Variants in OSBPL11 observed in about 807,000 individuals in gnomAD.
OSBPL11 encodes the protein oxysterol binding protein like 11, also known as oxysterol-binding protein-related protein 11.
Under a neutral mutation model 84.4 loss-of-function variants are expected in OSBPL11, and 33 were observed. That is an observed-to-expected ratio of 0.39 (90% CI 0.30 to 0.52). The LOEUF (loss-of-function observed/expected upper bound fraction) is 0.52. OSBPL11 is among the 20% of genes least tolerant of loss of function. The probability of loss-of-function intolerance (pLI) is 0.72; values close to 1 mark genes in which losing one functional copy is unlikely to be tolerated. For missense variants in OSBPL11, 736 were observed against 901.1 expected (o/e 0.82, Z 2.35); for synonymous variants, 276 against 310.2 (o/e 0.89, Z 1.16).
At chr3:125,548,804 T>C (rs1239801827) in intron 9 of OSBPL11, among the ~76,000 whole-genome samples, 4 of 152,058 alleles carry the variant, frequency 2.6e-5, no homozygotes, top group South Asian at 2.1e-4. Context: ...TATTTTAATA[T>C]AGTTAATTTT....
chr3:125,540,278 A>G (rs1167195226), intron 10 of OSBPL11, among the ~76,000 whole-genome samples: 2 of 145,402 alleles, frequency 1.4e-5, no homozygotes, highest in African/African-American at 5.2e-5. Flanking sequence ...GCAGTGAGCC[A>G]AGATTGCACT....
Position 125,552,368 on chromosome 3 carries a change from C to G in OSBPL11, c.1467G>C (p.Gly489=). Residue 489 remains glycine, a synonymous_variant, in exon 9 of 13, where the codon GGG becomes GGC. Coordinates refer to ENST00000296220, the MANE Select transcript of OSBPL11 (RefSeq NM_022776.5). The part of the protein sequence containing the change: ...QGVTNHAPLS[G]ESLTQVGSDC... ...CTGATCCCACCTGGGTCAAAGACTC[C>G]CCCGATAAAGGAGCATGATTTGTGA... 2 of 1,614,010 alleles carry G rather than the reference C, an allele frequency of 1.2e-6. No homozygotes were observed. Among genetic ancestry groups the G allele is most frequent in the Non-Finnish European group, 1.7e-6 (2 of 1,179,994 alleles).
Position 125,593,527 on chromosome 3 carries a change from C to T in OSBPL11, c.164+1110G>A, listed in dbSNP as rs570280122. Reference sequence around the variant, plus strand: ...CCCAGCTACTCGGGAGGCTGAGACACGAGAATCGCTTGAACCCAGGAGGTG... The same window carrying T: ...CCCAGCTACTCGGGAGGCTGAGACATGAGAATCGCTTGAACCCAGGAGGTG... On this transcript the variant is annotated intron_variant, in intron 1 of 12. Coordinates refer to ENST00000296220, the MANE Select transcript of OSBPL11 (RefSeq NM_022776.5). Among the ~76,000 whole-genome samples the T allele has an allele frequency of 2.6e-5, 4 of 150,970 alleles. No homozygotes were observed. In the East Asian group the frequency reaches 5.9e-4, roughly 22 times the overall value.
At chr3:125,573,067 T>A (rs1172404145) in intron 5 of OSBPL11, among the ~76,000 whole-genome samples, 1 of 150,850 alleles carries the variant, frequency 6.6e-6, no homozygotes, top group African/African-American at 2.4e-5. Context: ...ACAAAGTATA[T>A]AATTATAGCA....
Position 125,552,175 on chromosome 3 carries a change from A to G in OSBPL11, c.1654+6T>C. 6.6e-7 allele frequency: 1 copy of G among 1,510,530 alleles called. No individual in the cohort carries two copies. Among genetic ancestry groups the G allele is most frequent in the Non-Finnish European group, 8.8e-7 (1 of 1,132,162 alleles). 93.6% of individuals were successfully genotyped at this position (1,510,530 alleles called of 1,614,324 possible). ...TATATATATATAAAATAATTTTTCTACTTACCTTCTCCAACCATTGTCACG... is the reference window on the plus strand; with the variant it reads ...TATATATATATAAAATAATTTTTCTGCTTACCTTCTCCAACCATTGTCACG... On this transcript the variant is annotated splice_donor_region_variant and intron_variant, in intron 9 of 12. Coordinates refer to ENST00000296220, the MANE Select transcript of OSBPL11 (RefSeq NM_022776.5).
At chr3:125,554,702 T>C (rs1935964252) in intron 8 of OSBPL11, among the ~76,000 whole-genome samples, 1 of 151,956 alleles carries the variant, frequency 6.6e-6, no homozygotes, top group African/African-American at 2.4e-5. Flanking sequence ...CATACAAGAA[T>C]GCTTTTTAAA....
intron 1 of OSBPL11, among the ~76,000 whole-genome samples, chr3:125,593,513 G>A (rs1478851296): frequency 6.6e-6 from 1 of 151,630 alleles, no homozygotes; most frequent in South Asian, 2.1e-4. Flanking sequence ...CCAGCTACTC[G>A]GGAGGCTGAG....
rs563656734 is a variant in OSBPL11 at position 125,537,543 on chromosome 3, T to C, written c.2024+908A>G. On this transcript the variant is annotated intron_variant, in intron 11 of 12. Transcript: ENST00000296220. ...CCTGTAAGAATTCTTTAAAAATTCA[T>C]TATTGCTGTTATTTTTTGACCCACT... Among the ~76,000 whole-genome samples the C allele has an allele frequency of 5.3e-5, 8 of 152,336 alleles. No homozygotes were observed. The South Asian group carries it at 1.4e-3, about 28-fold the overall frequency.
At chr3:125,588,373 G>C (rs1253490940) in intron 1 of OSBPL11, among the ~76,000 whole-genome samples, 1 of 152,174 alleles carries the variant, frequency 6.6e-6, no homozygotes, top group Admixed American at 6.6e-5. Flanking sequence ...AGAGGTTGAC[G>C]ATAATGTCAA....
chr3:125,532,036 T>C (rs759892659), intron 11 of OSBPL11, 22 bp from the exon 12 acceptor site: 8 of 1,590,636 alleles, frequency 5.0e-6, no homozygotes, highest in Middle Eastern at 1.7e-4. Context: ...AAACCACACA[T>C]TTTACAAGCA....
At chr3:125,544,199 G>C (rs1417248972) in intron 10 of OSBPL11, among the ~76,000 whole-genome samples, 1 of 151,752 alleles carries the variant, frequency 6.6e-6, no homozygotes, top group Admixed American at 6.6e-5. Context: ...GGGATTACAG[G>C]CATGCACCAC....
intron 8 of OSBPL11, among the ~76,000 whole-genome samples, chr3:125,557,313 A>G (rs1371205522): frequency 6.6e-6 from 1 of 152,202 alleles, no homozygotes; most frequent in African/African-American, 2.4e-5. Context: ...ATATTTGTTA[A>G]TTAAGTGTTA....
Position 125,547,447 on chromosome 3 carries a change from G to A in OSBPL11, c.1800C>T (p.Ile600=). 6.2e-7 allele frequency: 1 copy of A among 1,614,106 alleles called. No individual in the cohort carries two copies. Among genetic ancestry groups the A allele is most frequent in the Non-Finnish European group, 8.5e-7 (1 of 1,180,008 alleles). ...CATAAAATGGCTTGGTATGAAAAGT[G>A]ATGCTGGCTGAATATCCAGTTTTTG... ...NCAKTGYSAS[I]TFHTKPFYGG... The change falls in exon 10 of 13, where the codon ATC becomes ATT. Residue 600 remains isoleucine (I), a synonymous_variant. Coordinates refer to ENST00000296220, the MANE Select transcript of OSBPL11 (RefSeq NM_022776.5).
intron 8 of OSBPL11, among the ~76,000 whole-genome samples, chr3:125,559,499 C>T (rs1422244913): frequency 1.3e-5 from 2 of 152,158 alleles, no homozygotes; most frequent in Admixed American, 6.5e-5. Context: ...AGCGATCCTC[C>T]CACCTCAGCT....
At chr3:125,576,504 T>C in intron 4 of OSBPL11, 139 bp from the exon 5 acceptor site, 2 of 583,966 alleles carry the variant, frequency 3.4e-6, no homozygotes, top group Non-Finnish European at 5.3e-6. Flanking sequence ...ATGAGAACAT[T>C]TCCAAAGATA....
chr3:125,570,380 G>C (rs1259729285), intron 5 of OSBPL11, among the ~76,000 whole-genome samples: 4 of 151,774 alleles, frequency 2.6e-5, no homozygotes, highest in Admixed American at 1.3e-4. Flanking sequence ...AGCTGTGTGT[G>C]GTGGTGTGTG....
intron 9 of OSBPL11, among the ~76,000 whole-genome samples, chr3:125,549,336 TTTAC>T (rs1232943427): frequency 6.6e-6 from 1 of 152,210 alleles, no homozygotes; most frequent in Non-Finnish European, 1.5e-5. Context: ...ATTCCTGACT[TTTAC>T]TTACTTTCTG....
At chr3:125,577,403 A>G (rs1284083168) in intron 4 of OSBPL11, among the ~76,000 whole-genome samples, 4 of 152,228 alleles carry the variant, frequency 2.6e-5, no homozygotes, top group Admixed American at 2.6e-4. Flanking sequence ...AGCACACGAA[A>G]AGGTGCTCAA....
chr3:125,585,130 CTTTT>C (rs796508561), intron 1 of OSBPL11, among the ~76,000 whole-genome samples: 1 of 151,782 alleles, frequency 6.6e-6, no homozygotes, highest in Non-Finnish European at 1.5e-5. Context: ...ACGTGTATCT[CTTTT>C]TTTTATTTTT....
Sources: allele counts gnomAD v4.1 joint callset (sites outside exome capture counted in the v4.1 genomes callset), GRCh38; gene constraint gnomAD v4.1.1; transcripts MANE v1.5; gene names NCBI Gene and HGNC (gene_info 2026-07-23, HGNC 2026-07-21).